The following SQLE variants were observed in gnomAD, a reference collection of about 807,000 sequenced individuals.
The protein encoded by SQLE is squalene monooxygenase.
Under a neutral mutation model 60.7 loss-of-function variants are expected in SQLE, and 29 were observed. The observed-to-expected ratio is 0.48, with a 90% CI of 0.36 to 0.65. The LOEUF is 0.65. Among genes scored for constraint, SQLE ranks in the 30% least tolerant of loss-of-function variants. SQLE has a pLI of 0.00. For synonymous variants in SQLE, 237 were observed against 246.8 expected (o/e 0.96, Z 0.37); for missense variants, 605 against 684.1 (o/e 0.88, Z 1.29).
intron 4 of SQLE, among the ~76,000 whole-genome samples, chr8:125,008,727 G>C (rs527462247): frequency 6.6e-6 from 1 of 152,286 alleles, no homozygotes; most frequent in Admixed American, 6.5e-5. Context: ...AGTAATCCCA[G>C]ATGGTTTGCA....
intron 7 of SQLE, among the ~76,000 whole-genome samples, chr8:125,015,659 T>G (rs1291972932): frequency 1.3e-5 from 2 of 152,190 alleles, no homozygotes; most frequent in African/African-American, 4.8e-5. Context: ...ATAAAAACTC[T>G]ACACTTTATC....
chr8:125,003,058 T>C, intron 1 of SQLE, 118 bp from the exon 2 acceptor site: 1 of 837,108 alleles, frequency 1.2e-6, no homozygotes, highest in Non-Finnish European at 1.7e-6. Flanking sequence ...TTTGGTTTGA[T>C]AATATTTAGT....
chr8:125,018,896 G>A, intron 9 of SQLE, 169 bp downstream of exon 9: 1 of 568,744 alleles, frequency 1.8e-6, no homozygotes, highest in Non-Finnish European at 3.0e-6. Flanking sequence ...TGTAGTTTTA[G>A]TTTTAGTTTG....
rs1373056716 is a variant in SQLE, at chr8:124,999,656, C to A, written c.253C>A (p.Pro85Thr). Residue 85 changes from proline (P) to threonine (T), a missense_variant, in exon 1 of 11, where the codon CCT becomes ACT. Coordinates refer to ENST00000265896, the MANE Select transcript of SQLE (RefSeq NM_003129.4). ...TGGCTTCTTCTGGGCCAAATCCCCC[C>A]CTGAATCAGAAAATAAGGAGCAGCT... ...FIGFFWAKSP[P>T]ESENKEQLEA... The A allele has an allele frequency of 1.2e-6, 2 of 1,608,282 alleles. No homozygotes were observed. Among genetic ancestry groups the A allele is most frequent in the African/African-American group, 1.3e-5 (1 of 74,690 alleles).
In SQLE at chr8:125,019,627, C is replaced by G. The variant is rs535655148; in HGVS notation, c.1444+900C>G. Reference sequence around the variant, plus strand: ...TGGAGGAGAAAAGGCAACTGTGCCACCTCCTCACCACAGCAGTGTACACAT... The same window carrying G: ...TGGAGGAGAAAAGGCAACTGTGCCAGCTCCTCACCACAGCAGTGTACACAT... On this transcript the variant is annotated intron_variant, in intron 9 of 10. Transcript: ENST00000265896. 8.5e-5 allele frequency among the ~76,000 whole-genome samples: 13 copies of G among 152,266 alleles called. No individual in the cohort carries two copies. The South Asian group carries it at 2.7e-3, about 32-fold the overall frequency.
At chr8:125,020,926 C>T (rs1423748652) in intron 10 of SQLE, 55 bp downstream of exon 10, 2 of 1,203,230 alleles carry the variant, frequency 1.7e-6, no homozygotes, top group African/African-American at 3.0e-5. Flanking sequence ...TAGGACTGTT[C>T]AGTTGATGAA....
Position 125,011,571 on chromosome 8 carries a change from C to G in SQLE, c.1143C>G (p.Asp381Glu). Residue 381 changes from aspartate (D) to glutamate (E), a missense_variant, in exon 7 of 11, where the codon GAC becomes GAG. Physicochemically the swap from Asp to Glu is conservative, Grantham distance 45. Coordinates refer to ENST00000265896, the MANE Select transcript of SQLE (RefSeq NM_003129.4). ...HLKEPFLEATDNSHLRSMPAS... is the reference protein window; with the variant it reads ...HLKEPFLEATENSHLRSMPAS... Reference sequence around the variant, plus strand: ...AAGAACCATTCTTAGAAGCCACTGACAATTCTCATCTGAGGTCCATGCCAG... The same window carrying G: ...AAGAACCATTCTTAGAAGCCACTGAGAATTCTCATCTGAGGTCCATGCCAG... The G allele has an allele frequency of 6.3e-7, 1 of 1,588,108 alleles. No individual in the cohort carries two copies.
Position 124,999,595 on chromosome 8 carries a change from C to T in SQLE, c.192C>T (p.Ala64=). Residue 64 remains alanine, a synonymous_variant, in exon 1 of 11, where the codon GCC becomes GCT. Transcript: ENST00000265896. ...GCCAGCAGAGCGGCTCCCAGTTCGCCCTCTTCTCGGATATTCTCTCAGGCC... is the reference window on the plus strand; with the variant it reads ...GCCAGCAGAGCGGCTCCCAGTTCGCTCTCTTCTCGGATATTCTCTCAGGCC... ...LGRQQSGSQF[A]LFSDILSGLP... 6.8e-6 allele frequency: 11 copies of T among 1,613,502 alleles called. No individual in the cohort carries two copies. The highest frequency in any genetic ancestry group is 1.3e-5 in the African/African-American group (1 of 74,992).
At chr8:125,021,438 A>G (rs1223389547) in intron 10 of SQLE, among the ~76,000 whole-genome samples, 1 of 150,656 alleles carries the variant, frequency 6.6e-6, no homozygotes, top group Non-Finnish European at 1.5e-5. Context: ...GGATGAGTAA[A>G]CAAACAGCTA....
chr8:125,013,130 T>A (rs1340245394), intron 7 of SQLE, among the ~76,000 whole-genome samples: 3 of 152,146 alleles, frequency 2.0e-5, no homozygotes, highest in Non-Finnish European at 4.4e-5. Context: ...GTTTCAAGAG[T>A]CCTTTATATA....
intron 6 of SQLE, among the ~76,000 whole-genome samples, chr8:125,010,092 T>C (rs145541447): frequency 6.6e-6 from 1 of 152,286 alleles, no homozygotes; most frequent in African/African-American, 2.4e-5. Flanking sequence ...AGAACTAAGG[T>C]TCAGAGAGAT....
intron 1 of SQLE, among the ~76,000 whole-genome samples, chr8:125,001,900 G>A (rs1814862460): frequency 2.0e-5 from 3 of 152,140 alleles, no homozygotes; most frequent in Admixed American, 2.0e-4. Context: ...TATCTGAAAT[G>A]TATTCAAATG....
chr8:125,007,287 A>G lies in SQLE; in HGVS notation c.726-104A>G, dbSNP rs1814967880. 9 of 712,156 alleles carry G rather than the reference A, an allele frequency of 1.3e-5. No individual in the cohort carries two copies. In the South Asian group the frequency reaches 2.2e-4, roughly 17 times the overall value. The allele number at this position is 712,156 out of a possible 1,614,324, so 44.1% of individuals were successfully genotyped here. On this transcript the variant is annotated intron_variant, in intron 3 of 10. Transcript: ENST00000265896. ...ACATTGGACACGTGTTTGCACACACATGCATGTCCAGTTTATATGGATAAA... is the reference window on the plus strand; with the variant it reads ...ACATTGGACACGTGTTTGCACACACGTGCATGTCCAGTTTATATGGATAAA...
intron 7 of SQLE, 44 bp downstream of exon 7, chr8:125,011,676 A>G (rs1405407774): frequency 1.4e-6 from 2 of 1,442,942 alleles, no homozygotes; most frequent in African/African-American, 1.4e-5. Flanking sequence ...CAGTATTCCA[A>G]ATGACAAATA....
rs1354279571 is a variant in SQLE, at chr8:125,007,374, T to G, written c.726-17T>G. ...GAAATGTGCTGCTTTAGAAATGTAT[T>G]TTTTTTTATTCTTTAGTGCAAAGTT... On this transcript the variant is annotated splice_polypyrimidine_tract_variant and intron_variant, in intron 3 of 10. Transcript: ENST00000265896. The G allele has an allele frequency of 8.6e-6, 13 of 1,503,724 alleles. No homozygotes were observed. Among genetic ancestry groups the G allele is most frequent in the Non-Finnish European group, 1.2e-5 (13 of 1,118,296 alleles). 93.1% of individuals were successfully genotyped at this position (1,503,724 alleles called of 1,614,324 possible).
At chr8:125,017,554 T>C (rs1815129090) in intron 7 of SQLE, among the ~76,000 whole-genome samples, 1 of 152,076 alleles carries the variant, frequency 6.6e-6, no homozygotes, top group Admixed American at 6.5e-5. Flanking sequence ...CCAAAAATGC[T>C]GTCCAGGTGC....
intron 7 of SQLE, among the ~76,000 whole-genome samples, chr8:125,013,077 AT>A (rs1350978365): frequency 2.6e-5 from 4 of 152,164 alleles, no homozygotes; most frequent in African/African-American, 9.7e-5. Flanking sequence ...TAGACTTTGC[AT>A]ATTTTTTTAA....
At position 125,016,036 on chromosome 8, in the gene SQLE, C is replaced by G. The variant is rs184298843; in HGVS notation, c.1205-2023C>G. On this transcript the variant is annotated intron_variant, in intron 7 of 10. Transcript: ENST00000265896. This position sits in a 1 kb window ranked among gnomAD's most constrained non-coding sequence, Gnocchi z 4.1. ...CTTAGGATCTTTTCTATATCCTTGA[C>G]CTTTGGGAGTTTGATTATTAAATGG... is the stretch of plus-strand genomic sequence containing the variant. 2.0e-5 allele frequency among the ~76,000 whole-genome samples: 3 copies of G among 152,144 alleles called. No homozygotes were observed. The highest frequency in any genetic ancestry group is 6.5e-5 in the Admixed American group (1 of 15,292).
rs894555500 is a variant in SQLE at position 125,016,322 on chromosome 8, A to G, written c.1205-1737A>G. Among the ~76,000 whole-genome samples the G allele has an allele frequency of 6.6e-6, 1 of 151,570 alleles. No homozygotes were observed. Among genetic ancestry groups the G allele is most frequent in the Non-Finnish European group, 1.5e-5 (1 of 67,940 alleles). ...CTTTTTTCTTTTGTCTCCTCTGTGT[A>G]TTTTCAAATAGCCTGTTTTCAAGCT... On this transcript the variant is annotated intron_variant, in intron 7 of 10. Coordinates refer to ENST00000265896, the MANE Select transcript of SQLE (RefSeq NM_003129.4). The surrounding 1 kb of genome is among the most constrained non-coding windows in gnomAD (Gnocchi z 4.1).
Sources: allele counts gnomAD v4.1 joint callset (sites outside exome capture counted in the v4.1 genomes callset), GRCh38; gene constraint gnomAD v4.1.1; non-coding constraint Gnocchi (gnomAD v3.1); transcripts MANE v1.5; gene names NCBI Gene and HGNC (gene_info 2026-07-23, HGNC 2026-07-21).